IL36G: variants seen among roughly 807,000 people sequenced by gnomAD.
IL36G encodes the protein interleukin-36 gamma.
A neutral mutation model predicts 13.5 loss-of-function variants in IL36G; 10 were observed. The observed-to-expected ratio is 0.74, with a 90% CI of 0.46 to 1.26. The LOEUF (loss-of-function observed/expected upper bound fraction) is 1.26. Ranked by LOEUF, IL36G falls within the 50% of genes most tolerant of loss-of-function variation. The pLI, the probability that IL36G is intolerant of heterozygous loss-of-function variation, is 0.00. For missense variants in IL36G, 199 were observed against 203.0 expected, an observed-to-expected ratio of 0.98 and a Z score of 0.12; for synonymous variants, 84 against 74.0, an observed-to-expected ratio of 1.13 and a Z score of -0.69.
chr2:112,978,570 G>A, intron 1 of IL36G, 50 bp from the exon 2 acceptor site: 2 of 1,453,920 alleles, frequency 1.4e-6, no homozygotes, highest in Non-Finnish European at 1.9e-6. Context: ...GTCCTGGAAG[G>A]TCTTGGAAAC....
intron 4 of IL36G, among the ~76,000 whole-genome samples, chr2:112,983,775 G>T (rs979552112): frequency 6.6e-6 from 1 of 152,082 alleles, no homozygotes; most frequent in Non-Finnish European, 1.5e-5. Flanking sequence ...ATGCAAAAGG[G>T]TATCATAATC....
Position 112,985,063 on chromosome 2 carries a change from G to A in IL36G, c.*14G>A. 2 of 1,587,750 alleles carry A rather than the reference G, an allele frequency of 1.3e-6. No individual in the cohort carries two copies. Among genetic ancestry groups the A allele is most frequent in the African/African-American group, 1.3e-5 (1 of 74,452 alleles). On this transcript the variant is annotated 3_prime_UTR_variant, in exon 5 of 5. Coordinates refer to ENST00000259205, the MANE Select transcript of IL36G (RefSeq NM_019618.4). ...ATAAATGACTGAACTCAGCCTAGAG[G>A]TGGCAGCTTGGTCTTTGTCTTAAAG...
chr2:112,979,300 T>G lies in IL36G; in HGVS notation c.135T>G (p.Val45=). 4.3e-6 allele frequency: 7 copies of G among 1,612,274 alleles called. No homozygotes were observed. The highest frequency in any genetic ancestry group is 5.1e-6 in the Non-Finnish European group (6 of 1,178,230). The change falls in exon 3 of 5, where the codon GTT becomes GTG. Residue 45 remains valine (V), a synonymous_variant. Coordinates refer to ENST00000259205, the MANE Select transcript of IL36G (RefSeq NM_019618.4). The stretch of plus-strand genomic sequence containing the variant: ...TTCAGGGTCAGAACCTTGTGGCAGT[T>G]CCACGAAGTGACAGTGTGACCCCAG... The part of the protein sequence containing the change: ...WTLQGQNLVA[V]PRSDSVTPVT...
At chr2:112,981,457 T>A in intron 4 of IL36G, 1 of 644,568 alleles carries the variant, frequency 1.6e-6, no homozygotes, top group Non-Finnish European at 2.8e-6. Context: ...CCCAGCGGGA[T>A]ATAGGCACTG....
In IL36G at chr2:112,980,673, C is replaced by T. The variant is rs1167251575; in HGVS notation, c.300+525C>T. Reference sequence around the variant, plus strand: ...GAAGATCCACGATCTAGAAACAGAACCACTGCTCTTTTGACAGGTGCCATC... The same window carrying T: ...GAAGATCCACGATCTAGAAACAGAATCACTGCTCTTTTGACAGGTGCCATC... On this transcript the variant is annotated intron_variant, in intron 4 of 4. Coordinates refer to ENST00000259205, the MANE Select transcript of IL36G (RefSeq NM_019618.4). 2.6e-5 allele frequency among the ~76,000 whole-genome samples: 4 copies of T among 152,200 alleles called. No homozygotes were observed. In the East Asian group the frequency reaches 7.7e-4, roughly 29 times the overall value.
chr2:112,982,404 C>T (rs147214273), intron 4 of IL36G, among the ~76,000 whole-genome samples: 1 of 152,278 alleles, frequency 6.6e-6, no homozygotes, highest in African/African-American at 2.4e-5. Context: ...AAGGACTCAG[C>T]CTTGCAATCT....
At position 112,979,276 on chromosome 2, in the gene IL36G, T is replaced by G. The variant is rs780351985; in HGVS notation, c.111T>G (p.Leu37=). 8 of 1,613,536 alleles carry G rather than the reference T, an allele frequency of 5.0e-6. No homozygotes were observed. The South Asian group carries it at 8.8e-5, about 18-fold the overall frequency. ...INDLNQQVWT[L]QGQNLVAVPR... is the part of the protein sequence containing the mutation. ...ATTTGAATCAGCAAGTGTGGACCCT[T>G]CAGGGTCAGAACCTTGTGGCAGTTC... The change falls in exon 3 of 5, where the codon CTT becomes CTG. Residue 37 remains leucine, a synonymous_variant. Coordinates refer to ENST00000259205, the MANE Select transcript of IL36G (RefSeq NM_019618.4).
At chr2:112,982,931 G>A (rs1329538372) in intron 4 of IL36G, among the ~76,000 whole-genome samples, 6 of 152,160 alleles carry the variant, frequency 3.9e-5, no homozygotes, top group Non-Finnish European at 7.3e-5. Context: ...AACTGGTGGC[G>A]GTGGTGGGTA....
At position 112,981,720 on chromosome 2, in the gene IL36G, G is replaced by C. The variant is rs150625592; in HGVS notation, c.300+1572G>C. On this transcript the variant is annotated intron_variant, in intron 4 of 4. Coordinates refer to ENST00000259205, the MANE Select transcript of IL36G (RefSeq NM_019618.4). ...TCCCTTCATTGCTTTTTAAAATTTT[G>C]GTGTTGCATCTGGAAGAATTTCTTG... 3.6e-3 allele frequency among the ~76,000 whole-genome samples: 551 copies of C among 151,894 alleles called. 13 individuals are homozygous for C. The highest frequency in any genetic ancestry group is 0.032 in the Admixed American group (494 of 15,272).
In IL36G at chr2:112,978,687, C is replaced by T; in HGVS notation, c.49C>T (p.Gln17Ter). Residue 17 changes from glutamine (Q) to a stop codon, truncating the protein, a stop_gained, in exon 2 of 5, where the codon CAA becomes TAA. Coordinates refer to ENST00000259205, the MANE Select transcript of IL36G (RefSeq NM_019618.4). LOFTEE classifies it high-confidence loss of function. ...TGATGGTGGAGGAAGGGCCGTCTAT[C>T]AATCAAGTGAATCAAATGCTGTTGG... The part of the protein sequence containing the change: ...DADGGGRAVY[Q>*]SMCKPITGTI... 6.2e-7 allele frequency: 1 copy of T among 1,614,110 alleles called. No homozygotes were observed. Among genetic ancestry groups the T allele is most frequent in the Middle Eastern group, 1.7e-4 (1 of 6,030 alleles).
rs150973649 is a variant in IL36G at position 112,984,870 on chromosome 2, C to T, written c.331C>T (p.Pro111Ser). 378 of 1,614,154 alleles carry T rather than the reference C, an allele frequency of 2.3e-4. No homozygotes were observed. The African/African-American group carries it at 4.5e-3, about 19-fold the overall frequency. The change falls in exon 5 of 5, where the codon CCC becomes TCC. Residue 111 changes from proline to serine, a missense_variant. By Grantham distance (74) the Pro-to-Ser change is moderately conservative. Coordinates refer to ENST00000259205, the MANE Select transcript of IL36G (RefSeq NM_019618.4). ...EQKIMDLYGQPEPVKPFLFYR... is the reference protein window; with the variant it reads ...EQKIMDLYGQSEPVKPFLFYR... ...GAAGATCATGGATCTGTATGGCCAA[C>T]CCGAGCCCGTGAAACCCTTCCTTTT...
intron 4 of IL36G, among the ~76,000 whole-genome samples, chr2:112,983,246 T>G (rs1410640072): frequency 6.6e-6 from 1 of 151,806 alleles, no homozygotes; most frequent in Non-Finnish European, 1.5e-5. Flanking sequence ...GGTATGGGAG[T>G]TTCAAAGGAG....
At chr2:112,984,131 C>A (rs1163628172) in intron 4 of IL36G, among the ~76,000 whole-genome samples, 1 of 152,222 alleles carries the variant, frequency 6.6e-6, no homozygotes, top group Non-Finnish European at 1.5e-5. Flanking sequence ...GGGAGAAGAA[C>A]TTCTCACTCA....
intron 4 of IL36G, 28 bp from the exon 5 acceptor site, chr2:112,984,812 C>T: frequency 6.4e-7 from 1 of 1,571,542 alleles, no homozygotes; most frequent in Non-Finnish European, 8.8e-7. Flanking sequence ...TCTGTTTCTC[C>T]TAATGGGTAC....
intron 3 of IL36G, 37 bp from the exon 4 acceptor site, chr2:112,979,972 A>C (rs1366810212): frequency 1.2e-6 from 2 of 1,600,538 alleles, no homozygotes; most frequent in Non-Finnish European, 1.7e-6. Context: ...CTGACTTCAA[A>C]AGGAAACTGA....
chr2:112,979,836 T>TATGAATGAATGA (rs3075080), intron 3 of IL36G, among the ~76,000 whole-genome samples, 173 bp from the exon 4 acceptor site: 6,582 of 151,516 alleles, frequency 0.043, 236 homozygotes, highest in Non-Finnish European at 0.067. Context: ...TGGCACATGG[T>TATGAATGAATGA]ATGAATGAAT....
At position 112,978,091 on chromosome 2, in the gene IL36G, G is replaced by C. The variant is rs1284151302; in HGVS notation, c.-20+13G>C. ...CCTTTCTTGCCAGGTATAGTCAATA[G>C]CTGGAAAACCTCTTCTCCCTCCCTC... On this transcript the variant is annotated intron_variant, in intron 1 of 4. Coordinates refer to ENST00000259205, the MANE Select transcript of IL36G (RefSeq NM_019618.4). 6.3e-6 allele frequency: 1 copy of C among 158,806 alleles called. No individual in the cohort carries two copies. Among genetic ancestry groups the C allele is most frequent in the African/African-American group, 2.4e-5 (1 of 41,516 alleles). The allele number at this position is 158,806 out of a possible 1,614,324, so 9.8% of individuals were successfully genotyped here.
chr2:112,984,618 C>T (rs1045922568), intron 4 of IL36G, among the ~76,000 whole-genome samples: 1 of 152,160 alleles, frequency 6.6e-6, no homozygotes, highest in Non-Finnish European at 1.5e-5. Flanking sequence ...CCCTTGTAAA[C>T]TTCCTACACC....
rs1047448279 is a variant in IL36G, at chr2:112,984,943, TC to T, written c.407del (p.Pro136ArgfsTer16). The T allele has an allele frequency of 6.2e-7, 1 of 1,613,958 alleles. No individual in the cohort carries two copies. The highest frequency in any genetic ancestry group is 1.3e-5 in the African/African-American group (1 of 74,898). On this transcript the variant is annotated frameshift_variant, in exon 5 of 5. Coordinates refer to ENST00000259205, the MANE Select transcript of IL36G (RefSeq NM_019618.4). LOFTEE classifies it low-confidence loss of function (END_TRUNC). ...GRTSTLESVA[F>X]PDWFIASSKR... is the part of the protein sequence containing the mutation. The stretch of plus-strand genomic sequence containing the variant: ...ACCTCCACCCTTGAGTCTGTGGCCT[TC>T]CCGGACTGGTTCATTGCCTCCTCCA...
Sources: gnomAD v4.1 joint callset for allele counts (sites outside exome capture counted in the v4.1 genomes callset) on GRCh38, gnomAD v4.1.1 for gene constraint, MANE v1.5 for transcripts, NCBI Gene and HGNC (gene_info 2026-07-23, HGNC 2026-07-21) for gene names.